Variants in CHST11 observed in about 807,000 individuals in gnomAD.
CHST11 encodes carbohydrate sulfotransferase 11.
In CHST11, 9 loss-of-function variants were observed where a neutral mutation model predicts 30.4. That is an observed-to-expected ratio of 0.30 (90% CI 0.18 to 0.52). The LOEUF is 0.52. Among genes scored for constraint, CHST11 ranks in the 20% least tolerant of loss-of-function variants. The pLI, the probability that CHST11 is intolerant of heterozygous loss-of-function variation, is 0.97. For missense variants in CHST11, 348 were observed against 460.6 expected, an observed-to-expected ratio of 0.76 and a Z score of 2.24; for synonymous variants, 152 against 187.8, an observed-to-expected ratio of 0.81 and a Z score of 1.56.
Position 104,513,127 on chromosome 12 carries a change from G to GC in CHST11, c.118+55598_118+55599insC, listed in dbSNP as rs1456478436. On this transcript the variant is annotated intron_variant, in intron 1 of 2. Coordinates refer to ENST00000303694, the MANE Select transcript of CHST11 (RefSeq NM_018413.6). Reference sequence around the variant, plus strand: ...AGTGCTTCCAAATGTCATGACTGGGGGGGGGGGGGGTTGGGGGTGGGGAGG... The same window carrying GC: ...AGTGCTTCCAAATGTCATGACTGGGGCGGGGGGGGGGTTGGGGGTGGGGAGG... 2.0e-3 allele frequency among the ~76,000 whole-genome samples: 215 copies of GC among 107,774 alleles called. 15 individuals are homozygous for GC. Among genetic ancestry groups the GC allele is most frequent in the Non-Finnish European group, 2.7e-3 (145 of 52,932 alleles). The allele number at this position is 107,774 out of a possible 152,430, so 70.7% of individuals were successfully genotyped here.
intron 2 of CHST11, among the ~76,000 whole-genome samples, chr12:104,739,393 C>T (rs2040328788): frequency 6.6e-6 from 1 of 152,200 alleles, no homozygotes; most frequent in Non-Finnish European, 1.5e-5. Context: ...TTCATCCGTG[C>T]ACCAGGCATA....
Position 104,533,057 on chromosome 12 carries a change from C to T in CHST11, c.119-68849C>T, listed in dbSNP as rs116131492. Reference sequence around the variant, plus strand: ...TCCTGAGTAGCTGGGGCTACAGGCACGCACCACCATGTCTTGCTTCCAAAT... The same window carrying T: ...TCCTGAGTAGCTGGGGCTACAGGCATGCACCACCATGTCTTGCTTCCAAAT... On this transcript the variant is annotated intron_variant, in intron 1 of 2. Coordinates refer to ENST00000303694, the MANE Select transcript of CHST11 (RefSeq NM_018413.6). Among the ~76,000 whole-genome samples the T allele has an allele frequency of 3.2e-3, 488 of 152,254 alleles. 1 individual carries two copies. Among genetic ancestry groups the T allele is most frequent in the African/African-American group, 0.011 (464 of 41,554 alleles).
At chr12:104,684,320 G>T (rs1297724859) in intron 2 of CHST11, among the ~76,000 whole-genome samples, 1 of 151,944 alleles carries the variant, frequency 6.6e-6, no homozygotes, top group Non-Finnish European at 1.5e-5. Context: ...GGGTGAGTGA[G>T]TGGATGGATA....
chr12:104,523,296 C>G (rs1286207600), intron 1 of CHST11, among the ~76,000 whole-genome samples: 1 of 152,166 alleles, frequency 6.6e-6, no homozygotes, highest in African/African-American at 2.4e-5. Context: ...TGGGAGAATT[C>G]TTTTCGCTTC....
chr12:104,496,323 A>C (rs1172690708), intron 1 of CHST11, among the ~76,000 whole-genome samples: 1 of 152,228 alleles, frequency 6.6e-6, no homozygotes, highest in Non-Finnish European at 1.5e-5. Flanking sequence ...CAAATAAAAA[A>C]TCAATGTGAC....
At chr12:104,585,299 G>A (rs1334297815) in intron 1 of CHST11, among the ~76,000 whole-genome samples, 3 of 152,188 alleles carry the variant, frequency 2.0e-5, no homozygotes, top group Admixed American at 1.3e-4. Flanking sequence ...CATCATCAAC[G>A]CCTTCTGTCT....
At position 104,582,715 on chromosome 12, in the gene CHST11, A is replaced by G. The variant is rs542636504; in HGVS notation, c.119-19191A>G. 2.0e-4 allele frequency among the ~76,000 whole-genome samples: 30 copies of G among 152,106 alleles called. No homozygotes were observed. The East Asian group carries it at 2.7e-3, about 14-fold the overall frequency. On this transcript the variant is annotated intron_variant, in intron 1 of 2. Transcript: ENST00000303694. Reference sequence around the variant, plus strand: ...AGAACCTCTCTGCACTTGTTTCCTCATCTGTATGATAGAAATAATACATCT... The same window carrying G: ...AGAACCTCTCTGCACTTGTTTCCTCGTCTGTATGATAGAAATAATACATCT...
chr12:104,645,809 G>C (rs932505658), intron 2 of CHST11, among the ~76,000 whole-genome samples: 9 of 152,218 alleles, frequency 5.9e-5, no homozygotes, highest in Non-Finnish European at 1.0e-4. Flanking sequence ...AAGATGAGTT[G>C]ACAGAGCACC....
At chr12:104,660,793 C>G (rs1347024526) in intron 2 of CHST11, among the ~76,000 whole-genome samples, 1 of 152,216 alleles carries the variant, frequency 6.6e-6, no homozygotes, top group African/African-American at 2.4e-5. Flanking sequence ...CTAGCTCCAC[C>G]TGCAATCTTG....
At chr12:104,502,800 G>T (rs4964811) in intron 1 of CHST11, among the ~76,000 whole-genome samples, 1 of 152,002 alleles carries the variant, frequency 6.6e-6, no homozygotes, top group Non-Finnish European at 1.5e-5. Flanking sequence ...CAAGCACTAC[G>T]GAGGCCCAGA....
chr12:104,710,451 C>A (rs556490513), intron 2 of CHST11, among the ~76,000 whole-genome samples: 2 of 152,122 alleles, frequency 1.3e-5, no homozygotes, highest in Admixed American at 6.5e-5. Flanking sequence ...TTCCCGCTTG[C>A]GGTTCCCAAC....
intron 1 of CHST11, among the ~76,000 whole-genome samples, chr12:104,544,563 T>G (rs2038324144): frequency 6.6e-6 from 1 of 151,898 alleles, no homozygotes. Flanking sequence ...AAAAATTAGC[T>G]GGGTGTCATG....
intron 2 of CHST11, among the ~76,000 whole-genome samples, chr12:104,718,116 C>T (rs1023527985): frequency 2.0e-5 from 3 of 152,192 alleles, no homozygotes; most frequent in East Asian, 1.9e-4. Context: ...ACTTACTATG[C>T]GAAAGGTACT....
Position 104,466,479 on chromosome 12 carries a change from T to C in CHST11, c.118+8950T>C, listed in dbSNP as rs375287932. ...AAAAACCCTCGTGACCCCATCTCCA[T>C]GCTTGCCAGCGGCCAAACAGCCCCA... is the stretch of plus-strand genomic sequence containing the variant. On this transcript the variant is annotated intron_variant, in intron 1 of 2. Transcript: ENST00000303694. Among the ~76,000 whole-genome samples, 23 of 152,358 alleles carry C rather than the reference T, an allele frequency of 1.5e-4. No individual in the cohort carries two copies. In the South Asian group the frequency reaches 4.6e-3, roughly 30 times the overall value.
At chr12:104,586,856 T>C (rs1429289291) in intron 1 of CHST11, among the ~76,000 whole-genome samples, 1 of 152,270 alleles carries the variant, frequency 6.6e-6, no homozygotes, top group Non-Finnish European at 1.5e-5. Flanking sequence ...TCTCTCTTGT[T>C]TTATTTAAGT....
chr12:104,500,132 C>A (rs185924724), intron 1 of CHST11, among the ~76,000 whole-genome samples: 38 of 152,338 alleles, frequency 2.5e-4, no homozygotes, highest in African/African-American at 8.7e-4. Flanking sequence ...TGGCCTCCCC[C>A]TTCCTGGGAG....
chr12:104,647,614 A>T (rs1281440395), intron 2 of CHST11, among the ~76,000 whole-genome samples: 1 of 152,338 alleles, frequency 6.6e-6, no homozygotes. Context: ...TTTGCTAAAT[A>T]TCGTTTCAAA....
chr12:104,745,356 A>G (rs1214577957), intron 2 of CHST11, among the ~76,000 whole-genome samples: 2 of 152,198 alleles, frequency 1.3e-5, no homozygotes, highest in Non-Finnish European at 2.9e-5. Flanking sequence ...CCTGTAGAAT[A>G]GCAAGTAGGG....
At chr12:104,707,622 C>T (rs2136118064) in intron 2 of CHST11, among the ~76,000 whole-genome samples, 1 of 152,266 alleles carries the variant, frequency 6.6e-6, no homozygotes, top group Middle Eastern at 3.4e-3. Flanking sequence ...GGCCCCAAAG[C>T]AGAACCTGAA....
Sources: allele counts gnomAD v4.1 joint callset (sites outside exome capture counted in the v4.1 genomes callset), GRCh38; gene constraint gnomAD v4.1.1; transcripts MANE v1.5; gene names NCBI Gene and HGNC (gene_info 2026-07-23, HGNC 2026-07-21).